NCLN: variants seen among roughly 807,000 people sequenced by gnomAD.
The protein encoded by NCLN is BOS complex subunit NCLN.
NCLN carries 34 observed loss-of-function variants against 69.5 expected under a neutral mutation model. That is an observed-to-expected ratio of 0.49 (90% confidence interval 0.37 to 0.65). The LOEUF (loss-of-function observed/expected upper bound fraction) is 0.65. Among genes scored for constraint, NCLN ranks in the 30% least tolerant of loss-of-function variants. NCLN has a pLI of 0.00. For missense variants in NCLN, 710 were observed against 804.8 expected, an observed-to-expected ratio of 0.88 and a Z score of 1.42; for synonymous variants, 393 against 358.3, an observed-to-expected ratio of 1.10 and a Z score of -1.09.
rs200361263 is a variant in NCLN at position 3,203,754 on chromosome 19, A to T, written c.801-2A>T. Reference sequence around the variant, plus strand: ...AAGCTAACACTGGGTCTTCCCTCCCAGCTACAACCTCCTGTTCTTTGCGTC... The same window carrying T: ...AAGCTAACACTGGGTCTTCCCTCCCTGCTACAACCTCCTGTTCTTTGCGTC... On this transcript the variant is annotated splice_acceptor_variant, in intron 6 of 14. Coordinates refer to ENST00000246117, the MANE Select transcript of NCLN (RefSeq NM_020170.4). LOFTEE classifies it high-confidence loss of function. 6.2e-7 allele frequency: 1 copy of T among 1,610,454 alleles called. No individual in the cohort carries two copies.
intron 1 of NCLN, among the ~76,000 whole-genome samples, chr19:3,189,154 C>G (rs952862498): frequency 8.5e-5 from 13 of 152,220 alleles, no homozygotes; most frequent in African/African-American, 2.7e-4. Flanking sequence ...CACAGCACCC[C>G]TCTCCTGGGA....
intron 13 of NCLN, 50 bp from the exon 14 acceptor site, chr19:3,207,341 G>T: frequency 6.2e-7 from 1 of 1,612,770 alleles, no homozygotes; most frequent in Non-Finnish European, 8.5e-7. Context: ...AGGGGTTCAT[G>T]TTACTGCCGC....
At chr19:3,187,456 G>C (rs1452689476) in intron 1 of NCLN, among the ~76,000 whole-genome samples, 4 of 152,296 alleles carry the variant, frequency 2.6e-5, no homozygotes, top group African/African-American at 9.6e-5. Context: ...CACATCTCAG[G>C]CTCAACCTGA....
Position 3,196,283 on chromosome 19 carries a change from T to C in NCLN, c.615+6T>C, listed in dbSNP as rs1475518596. On this transcript the variant is annotated splice_donor_region_variant and intron_variant, in intron 4 of 14. Coordinates refer to ENST00000246117, the MANE Select transcript of NCLN (RefSeq NM_020170.4). Reference sequence around the variant, plus strand: ...GGCTGATTGCCAGCGTGGAGGTGAGTGCCGCCTGCCCCGGAGCCAGCCCCA... The same window carrying C: ...GGCTGATTGCCAGCGTGGAGGTGAGCGCCGCCTGCCCCGGAGCCAGCCCCA... 2.0e-6 allele frequency: 3 copies of C among 1,537,112 alleles called. No individual in the cohort carries two copies. Among genetic ancestry groups the C allele is most frequent in the Non-Finnish European group, 2.6e-6 (3 of 1,136,176 alleles).
chr19:3,201,264 C>T (rs1442778354), intron 5 of NCLN, among the ~76,000 whole-genome samples: 1 of 152,194 alleles, frequency 6.6e-6, no homozygotes, highest in African/African-American at 2.4e-5. Flanking sequence ...GAGTCCTGGG[C>T]TTGGCGGGGC....
At chr19:3,193,263 A>G (rs1321026153) in intron 2 of NCLN, 21 bp from the exon 3 acceptor site, 6 of 1,590,994 alleles carry the variant, frequency 3.8e-6, no homozygotes, top group Non-Finnish European at 5.1e-6. Context: ...GCAGCCCCCT[A>G]AGTGTGTGTC....
chr19:3,203,931 C>A, intron 7 of NCLN, 74 bp from the exon 8 acceptor site: 1 of 1,561,588 alleles, frequency 6.4e-7, no homozygotes, highest in Non-Finnish European at 8.7e-7. Context: ...TGGGGGCAGC[C>A]AGGAGGCACA....
chr19:3,200,564 C>T (rs1158778029), intron 5 of NCLN, among the ~76,000 whole-genome samples: 1 of 152,002 alleles, frequency 6.6e-6, no homozygotes, highest in Non-Finnish European at 1.5e-5. Context: ...CCCATCTTGG[C>T]CTCCCAAAGT....
intron 6 of NCLN, among the ~76,000 whole-genome samples, chr19:3,201,954 G>C (rs1034769755): frequency 6.6e-6 from 1 of 152,120 alleles, no homozygotes; most frequent in African/African-American, 2.4e-5. Flanking sequence ...TTTTTCGCTG[G>C]GGGTGGGGGC....
intron 4 of NCLN, among the ~76,000 whole-genome samples, chr19:3,196,981 G>C (rs572868265): frequency 3.3e-5 from 5 of 152,248 alleles, no homozygotes; most frequent in Non-Finnish European, 5.9e-5. Flanking sequence ...CTTGTTGGGG[G>C]GTGCCCGAGT....
rs1293617328 is a variant in NCLN at position 3,207,457 on chromosome 19, C to T, written c.1620C>T (p.Tyr540=). 1.2e-5 allele frequency: 19 copies of T among 1,612,810 alleles called. No homozygotes were observed. Among genetic ancestry groups the T allele is most frequent in the African/African-American group, 5.3e-5 (4 of 74,948 alleles). The part of the protein sequence containing the change: ...VGIAAYLGMA[Y]VAVQHFSLLY... Reference sequence around the variant, plus strand: ...TTGCTGCCTACCTCGGCATGGCCTACGTGGCTGTCCAGGTGAGCAGTGCCC... The same window carrying T: ...TTGCTGCCTACCTCGGCATGGCCTATGTGGCTGTCCAGGTGAGCAGTGCCC... Residue 540 remains tyrosine, a synonymous_variant, in exon 14 of 15, where the codon TAC becomes TAT. Coordinates refer to ENST00000246117, the MANE Select transcript of NCLN (RefSeq NM_020170.4).
At position 3,208,186 on chromosome 19, in the gene NCLN, T is replaced by C. The variant is rs1433485704; in HGVS notation, c.*498T>C. ...GGACATGGTTATTTATCTCTGCTCC[T>C]TCTTGCCTGGAGGAGGGCAGTGCCA... On this transcript the variant is annotated 3_prime_UTR_variant, in exon 15 of 15. Transcript: ENST00000246117. 1 of 154,436 alleles carries C rather than the reference T, an allele frequency of 6.5e-6. No homozygotes were observed. The highest frequency in any genetic ancestry group is 1.4e-5 in the Non-Finnish European group (1 of 69,640). 9.6% of individuals were successfully genotyped at this position (154,436 alleles called of 1,614,324 possible).
intron 6 of NCLN, among the ~76,000 whole-genome samples, chr19:3,202,719 C>T (rs1347943077): frequency 1.3e-5 from 2 of 151,948 alleles, no homozygotes; most frequent in African/African-American, 4.8e-5. Context: ...ACTAGGATTA[C>T]AGGTGTGAGC....
Position 3,198,799 on chromosome 19 carries a change from C to G in NCLN, c.616-18C>G. The stretch of plus-strand genomic sequence containing the variant: ...GCCCCAGGAACAGCCAGGCCATTCC[C>G]CTGCTCTCTATCCACAGGGGCGGCT... On this transcript the variant is annotated intron_variant, in intron 4 of 14. Transcript: ENST00000246117. 1 of 1,576,598 alleles carries G rather than the reference C, an allele frequency of 6.3e-7. No homozygotes were observed. The highest frequency in any genetic ancestry group is 8.6e-7 in the Non-Finnish European group (1 of 1,162,866).
At chr19:3,201,724 C>T in intron 6 of NCLN, 98 bp downstream of exon 6, 1 of 1,066,658 alleles carries the variant, frequency 9.4e-7, no homozygotes, top group East Asian at 2.7e-5. Context: ...TCTGGAGCCT[C>T]CTGGCCCCAA....
chr19:3,197,584 G>A (rs937722713), intron 4 of NCLN, among the ~76,000 whole-genome samples: 2 of 150,802 alleles, frequency 1.3e-5, no homozygotes, highest in African/African-American at 4.9e-5. Context: ...TGGGATTACT[G>A]TCATGTGCCA....
chr19:3,203,956 G>A (rs1203702898), intron 7 of NCLN, 49 bp from the exon 8 acceptor site: 2 of 1,546,064 alleles, frequency 1.3e-6, no homozygotes, highest in South Asian at 2.4e-5. Context: ...GAGGGCCGGG[G>A]GCCACTTCCT....
rs201337774 is a variant in NCLN, at chr19:3,204,746, C to T, written c.1203C>T (p.Asp401=). Residue 401 remains aspartate, a synonymous_variant, in exon 9 of 15, where the codon GAC becomes GAT. Coordinates refer to ENST00000246117, the MANE Select transcript of NCLN (RefSeq NM_020170.4). ...HRDGQRSSIM[D]VRSRVDSKTL... ...ACGGCCAGCGCAGCAGCATCATGGACGTGCGGTGAGCGCGGCAGCACCTGC... is the reference window on the plus strand; with the variant it reads ...ACGGCCAGCGCAGCAGCATCATGGATGTGCGGTGAGCGCGGCAGCACCTGC... The T allele has an allele frequency of 1.5e-4, 231 of 1,530,724 alleles. No individual in the cohort carries two copies. In the East Asian group the frequency reaches 3.3e-3, roughly 22 times the overall value. The allele number at this position is 1,530,724 out of a possible 1,614,324, so 94.8% of individuals were successfully genotyped here. A position where few individuals can be genotyped will look rare whatever the true frequency, so the allele number is the denominator to read the frequency against.
rs748435369 is a variant in NCLN at position 3,205,535 on chromosome 19, GC to G, written c.1209-403del. On this transcript the variant is annotated intron_variant, in intron 9 of 14. Transcript: ENST00000246117. This position sits in a 1 kb window ranked among gnomAD's most constrained non-coding sequence, Gnocchi z 4.6. ...GCCAGGAAATGAGGGTGGGTGCACGGCTGTCCCAGCTGTGCTGAGCTCTCTC... is the reference window on the plus strand; with the variant it reads ...GCCAGGAAATGAGGGTGGGTGCACGGTGTCCCAGCTGTGCTGAGCTCTCTC... 1.6e-4 allele frequency among the ~76,000 whole-genome samples: 25 copies of G among 152,212 alleles called. No individual in the cohort carries two copies. Among genetic ancestry groups the G allele is most frequent in the Non-Finnish European group, 3.5e-4 (24 of 68,040 alleles).
Sources: allele counts gnomAD v4.1 joint callset (sites outside exome capture counted in the v4.1 genomes callset), GRCh38; gene constraint gnomAD v4.1.1; non-coding constraint Gnocchi (gnomAD v3.1); transcripts MANE v1.5; gene names NCBI Gene and HGNC (gene_info 2026-07-23, HGNC 2026-07-21).